Variants in RORB observed in about 807,000 individuals in gnomAD.
The protein encoded by RORB is RAR related orphan receptor B, also known as nuclear receptor ROR-beta.
Under a neutral mutation model 59.1 loss-of-function variants are expected in RORB, and 6 were observed. That is an observed-to-expected ratio of 0.10 (90% confidence interval 0.06 to 0.20). The LOEUF is 0.20. Among genes scored for constraint, RORB ranks in the 10% least tolerant of loss-of-function variants. The pLI, the probability that RORB is intolerant of heterozygous loss-of-function variation, is 1.00. For synonymous variants in RORB, 215 were observed against 204.5 expected, an observed-to-expected ratio of 1.05 and a Z score of -0.44; for missense variants, 320 against 560.5, an observed-to-expected ratio of 0.57 and a Z score of 4.33.
intron 1 of RORB, among the ~76,000 whole-genome samples, chr9:74,608,362 G>A (rs1423455475): frequency 6.6e-6 from 1 of 151,872 alleles, no homozygotes; most frequent in African/African-American, 2.4e-5. Flanking sequence ...TCAGAAGATC[G>A]AGACCATCCT....
rs1263433682 is a variant in RORB, at chr9:74,662,471, A to G, written c.760-3A>G. The G allele has an allele frequency of 4.3e-6, 7 of 1,613,866 alleles. No homozygotes were observed. The highest frequency in any genetic ancestry group is 5.9e-6 in the Non-Finnish European group (7 of 1,179,842). On this transcript the variant is annotated splice_region_variant and splice_polypyrimidine_tract_variant and intron_variant, in intron 5 of 9. Transcript: ENST00000376896. ...TTTACATTCTGTGTCTTCTCTCCTC[A>G]AGTCCAGGGAAGCACTGTGGCAACA... is the stretch of plus-strand genomic sequence containing the variant.
chr9:74,623,524 A>T (rs1294778528), intron 1 of RORB, among the ~76,000 whole-genome samples: 1 of 152,058 alleles, frequency 6.6e-6, no homozygotes, highest in African/African-American at 2.4e-5. Flanking sequence ...AGGCAAAAGC[A>T]GAGACCACTT....
chr9:74,651,639 C>T (rs918869383), intron 4 of RORB, among the ~76,000 whole-genome samples: 1 of 152,100 alleles, frequency 6.6e-6, no homozygotes, highest in South Asian at 2.1e-4. Flanking sequence ...AATCCTCTTG[C>T]AGATGGAGGA....
At chr9:74,525,907 A>T (rs1423461598) in intron 1 of RORB, among the ~76,000 whole-genome samples, 6 of 151,992 alleles carry the variant, frequency 3.9e-5, no homozygotes, top group Non-Finnish European at 5.9e-5. Flanking sequence ...AGAGTTAATT[A>T]CTAAATTTTT....
intron 1 of RORB, among the ~76,000 whole-genome samples, chr9:74,560,889 C>G (rs997447813): frequency 6.6e-6 from 1 of 152,100 alleles, no homozygotes; most frequent in African/African-American, 2.4e-5. Flanking sequence ...GGAATGTATA[C>G]TGTTTGCCTT....
At chr9:74,527,662 C>T (rs751856767) in intron 1 of RORB, among the ~76,000 whole-genome samples, 7 of 152,062 alleles carry the variant, frequency 4.6e-5, no homozygotes, top group East Asian at 1.9e-4. Context: ...AGAACACAAC[C>T]GTCCGCAATT....
chr9:74,657,653 T>A (rs560326679), intron 4 of RORB, among the ~76,000 whole-genome samples: 12 of 152,282 alleles, frequency 7.9e-5, no homozygotes, highest in South Asian at 2.1e-4. Context: ...GCTCCCACAA[T>A]AACTGTGGGC....
Position 74,660,705 on chromosome 9 carries a change from C to T in RORB, c.726C>T (p.His242=), listed in dbSNP as rs1587411509. ...TGCACCAGCTGGCGTGGCAGACCCA[C>T]ACCTATGAAGAAATTAAAGCATATC... ...EELHQLAWQT[H]TYEEIKAYQS... Residue 242 remains histidine (H), a synonymous_variant, in exon 5 of 10, where the codon CAC becomes CAT. Transcript: ENST00000376896. 6.2e-7 allele frequency: 1 copy of T among 1,613,790 alleles called. No homozygotes were observed. The highest frequency in any genetic ancestry group is 8.5e-7 in the Non-Finnish European group (1 of 1,179,898).
chr9:74,535,258 A>G (rs1826304869), intron 1 of RORB, among the ~76,000 whole-genome samples: 1 of 152,086 alleles, frequency 6.6e-6, no homozygotes, highest in Non-Finnish European at 1.5e-5. Flanking sequence ...AAGGAGATGA[A>G]AAAACAAATC....
intron 1 of RORB, among the ~76,000 whole-genome samples, chr9:74,607,075 C>G: frequency 6.6e-6 from 1 of 152,222 alleles, no homozygotes; most frequent in Non-Finnish European, 1.5e-5. Flanking sequence ...CTTATAGCCA[C>G]GTCTCCTGGA....
At chr9:74,511,511 A>G (rs1458801502) in intron 1 of RORB, among the ~76,000 whole-genome samples, 1 of 151,684 alleles carries the variant, frequency 6.6e-6, no homozygotes, top group East Asian at 1.9e-4. Flanking sequence ...TGTGGGAGGC[A>G]CAGTGACCCG....
At chr9:74,545,389 C>T (rs997451552) in intron 1 of RORB, among the ~76,000 whole-genome samples, 1 of 152,062 alleles carries the variant, frequency 6.6e-6, no homozygotes. Context: ...AAACAACTGG[C>T]CCACAGGATT....
chr9:74,584,183 G>A (rs1443728097), intron 1 of RORB, among the ~76,000 whole-genome samples: 2 of 152,134 alleles, frequency 1.3e-5, no homozygotes, highest in Admixed American at 6.5e-5. Flanking sequence ...GAATTTTATT[G>A]CTATTCCCTG....
intron 1 of RORB, among the ~76,000 whole-genome samples, chr9:74,608,041 T>C (rs1044332731): frequency 9.2e-5 from 14 of 152,178 alleles, no homozygotes; most frequent in African/African-American, 3.4e-4. Context: ...TCTATTTCTC[T>C]TCCTGCACAA....
intron 4 of RORB, among the ~76,000 whole-genome samples, chr9:74,652,183 GATC>G (rs1824003739): frequency 6.6e-6 from 1 of 152,240 alleles, no homozygotes. Flanking sequence ...GAGGCGGGCA[GATC>G]ATCTGAGGCC....
At chr9:74,626,390 AC>A (rs753671167) in intron 1 of RORB, among the ~76,000 whole-genome samples, 7 of 152,268 alleles carry the variant, frequency 4.6e-5, no homozygotes, top group Non-Finnish European at 1.0e-4. Flanking sequence ...GATTTTATAA[AC>A]AAAAATATTA....
At chr9:74,646,470 G>GA (rs1024594248) in intron 4 of RORB, among the ~76,000 whole-genome samples, 1 of 152,116 alleles carries the variant, frequency 6.6e-6, no homozygotes, top group African/African-American at 2.4e-5. Context: ...GTTCACCAAC[G>GA]AAACTACAAA....
chr9:74,653,789 GC>G (rs1032641840), intron 4 of RORB, among the ~76,000 whole-genome samples: 6 of 114,982 alleles, frequency 5.2e-5, no homozygotes, highest in South Asian at 3.9e-4. Context: ...TTTGGAGAGC[GC>G]CATTTGCTGA....
At chr9:74,680,642 G>A (rs1421200519) in intron 9 of RORB, among the ~76,000 whole-genome samples, 1 of 151,948 alleles carries the variant, frequency 6.6e-6, no homozygotes, top group African/African-American at 2.4e-5. Flanking sequence ...AATCCAACTA[G>A]GTTTGACTCA....
Sources: gnomAD v4.1 joint callset for allele counts (sites outside exome capture counted in the v4.1 genomes callset) on GRCh38, gnomAD v4.1.1 for gene constraint, MANE v1.5 for transcripts, NCBI Gene and HGNC (gene_info 2026-07-23, HGNC 2026-07-21) for gene names.